The following USP4 variants were observed in gnomAD, a reference collection of about 807,000 sequenced individuals.
USP4 encodes ubiquitin specific peptidase 4, also known as ubiquitin carboxyl-terminal hydrolase 4.
A neutral mutation model predicts 118.2 loss-of-function variants in USP4; 72 were observed. That is an observed-to-expected ratio of 0.61 (90% CI 0.50 to 0.74). USP4 has a LOEUF of 0.74. USP4 is among the 30% of genes least tolerant of loss of function. The pLI is 0.00. For missense variants in USP4, 1,037 were observed against 1,185.7 expected, an observed-to-expected ratio of 0.87 and a Z score of 1.84; for synonymous variants, 415 against 440.4, an observed-to-expected ratio of 0.94 and a Z score of 0.72.
At chr3:49,312,620 C>CA (rs201910634) in intron 6 of USP4, 415 of 344,258 alleles carry the variant, frequency 1.2e-3, no homozygotes, top group Middle Eastern at 2.1e-3. Flanking sequence ...AACTCTGTCT[C>CA]AAAAAAAAAG....
chr3:49,332,279 AAAAC>A (rs577378790), intron 2 of USP4, among the ~76,000 whole-genome samples: 65 of 151,984 alleles, frequency 4.3e-4, no homozygotes, highest in Admixed American at 1.2e-3. Flanking sequence ...TCTGTCTTAC[AAAAC>A]AAACAAACAA....
chr3:49,335,831 C>A (rs1237239274), intron 1 of USP4, among the ~76,000 whole-genome samples: 3 of 152,082 alleles, frequency 2.0e-5, no homozygotes, highest in African/African-American at 7.2e-5. Context: ...AGAAAGAAAA[C>A]AAGTGGTTTC....
In USP4 at chr3:49,298,535, T is replaced by G. The variant is rs1247993183; in HGVS notation, c.1596+17A>C. 3.7e-5 allele frequency: 59 copies of G among 1,613,586 alleles called. No individual in the cohort carries two copies. The highest frequency in any genetic ancestry group is 4.9e-5 in the Non-Finnish European group (58 of 1,179,606). ...GTATCCCAAATAGACCGAGTGCCAC[T>G]GATCACCCCGCCTTACATTTTCTGC... is the stretch of plus-strand genomic sequence containing the variant. On this transcript the variant is annotated intron_variant, in intron 12 of 21. Coordinates refer to ENST00000265560, the MANE Select transcript of USP4 (RefSeq NM_003363.4).
At chr3:49,323,550 A>T (rs993789573) in intron 6 of USP4, among the ~76,000 whole-genome samples, 1 of 152,180 alleles carries the variant, frequency 6.6e-6, no homozygotes, top group Non-Finnish European at 1.5e-5. Flanking sequence ...GAGCACAGCT[A>T]TGCCTACCAC....
At chr3:49,287,393 A>G (rs944072501) in intron 15 of USP4, among the ~76,000 whole-genome samples, 36 of 151,998 alleles carry the variant, frequency 2.4e-4, no homozygotes, top group African/African-American at 8.7e-4. Context: ...TGACCTCGTG[A>G]TCCGCCCGCC....
At position 49,300,700 on chromosome 3, in the gene USP4, A is replaced by C. The variant is rs778013794; in HGVS notation, c.1288-9T>G. The stretch of plus-strand genomic sequence containing the variant: ...GCTTCCTTTGCCACCACCTGCGTCA[A>C]AGGGATAAACAGGACATTCTCAACA... On this transcript the variant is annotated splice_polypyrimidine_tract_variant and intron_variant, in intron 10 of 21. Coordinates refer to ENST00000265560, the MANE Select transcript of USP4 (RefSeq NM_003363.4). 4.3e-6 allele frequency: 7 copies of C among 1,613,534 alleles called. No individual in the cohort carries two copies. In the South Asian group the frequency reaches 7.7e-5, roughly 18 times the overall value.
chr3:49,287,881 C>T lies in USP4; in HGVS notation c.1973-1556G>A, dbSNP rs367983719. On this transcript the variant is annotated intron_variant, in intron 15 of 21. Transcript: ENST00000265560. ...ACTAAAGGTCTCTTAGGTGCAGGTA[C>T]CATGCTAGGTTCCAGGGCTCCATAA... Among the ~76,000 whole-genome samples the T allele has an allele frequency of 1.2e-4, 18 of 152,212 alleles. No individual in the cohort carries two copies. The East Asian group carries it at 2.5e-3, about 21-fold the overall frequency.
intron 6 of USP4, among the ~76,000 whole-genome samples, chr3:49,322,752 T>C (rs1265818085): frequency 1.6e-5 from 2 of 128,198 alleles, no homozygotes; most frequent in African/African-American, 6.0e-5. Context: ...TCCCAGCTGC[T>C]CGGGAGGCTG....
At chr3:49,294,719 A>G (rs2047185399) in intron 13 of USP4, 121 bp from the exon 14 acceptor site, 4 of 949,726 alleles carry the variant, frequency 4.2e-6, no homozygotes, top group Non-Finnish European at 6.2e-6. Context: ...TTTGAGTAGA[A>G]AAGGTGGCTA....
chr3:49,336,617 C>G (rs972944559), intron 1 of USP4, among the ~76,000 whole-genome samples: 1 of 149,016 alleles, frequency 6.7e-6, no homozygotes, highest in Non-Finnish European at 1.5e-5. Context: ...CTCCGCCTCC[C>G]GGGTTCAAGT....
intron 8 of USP4, among the ~76,000 whole-genome samples, chr3:49,310,209 GC>G (rs1033517922): frequency 6.6e-6 from 1 of 152,080 alleles, no homozygotes; most frequent in African/African-American, 2.4e-5. Flanking sequence ...ACAGGCGTGA[GC>G]CACTGCGCCC....
At chr3:49,300,906 T>C (rs946239106) in intron 10 of USP4, among the ~76,000 whole-genome samples, 2 of 152,058 alleles carry the variant, frequency 1.3e-5, no homozygotes, top group Non-Finnish European at 2.9e-5. Flanking sequence ...CACACATATA[T>C]ATATTTCACA....
chr3:49,322,158 C>T (rs2047509579), intron 6 of USP4, among the ~76,000 whole-genome samples: 1 of 152,224 alleles, frequency 6.6e-6, no homozygotes, highest in South Asian at 2.1e-4. Flanking sequence ...CTAACCAGTT[C>T]TGACCATGAA....
rs750982816 is a variant in USP4 at position 49,325,819 on chromosome 3, C to T, written c.387G>A (p.Lys129=). The change falls in exon 4 of 22, where the codon AAG becomes AAA. Residue 129 remains lysine (K), a synonymous_variant. Transcript: ENST00000265560. ...GCAAATACACCTCGACTTTGCAGTG[C>T]TTGACAAACAGGCCATGCTCCACAA... The part of the protein sequence containing the change: ...RKVVEHGLFV[K]HCKVEVYLLE... The T allele has an allele frequency of 1.7e-5, 27 of 1,613,720 alleles. No homozygotes were observed. Among genetic ancestry groups the T allele is most frequent in the African/African-American group, 4.0e-5 (3 of 74,906 alleles).
intron 8 of USP4, among the ~76,000 whole-genome samples, chr3:49,306,970 G>T (rs1466239071): frequency 6.6e-6 from 1 of 151,808 alleles, no homozygotes; most frequent in East Asian, 2.0e-4. Flanking sequence ...TTTTAGTAGA[G>T]ATGGGGTTTC....
At chr3:49,290,496 G>T (rs1236077176) in intron 15 of USP4, among the ~76,000 whole-genome samples, 1 of 152,190 alleles carries the variant, frequency 6.6e-6, no homozygotes, top group African/African-American at 2.4e-5. Context: ...TTTTGCAACT[G>T]ATAATTTTTT....
At position 49,302,536 on chromosome 3, in the gene USP4, C is replaced by T. The variant is rs779069660; in HGVS notation, c.1135G>A (p.Val379Ile). The change falls in exon 10 of 22, where the codon GTA (valine) becomes ATA (isoleucine). Residue 379 changes from valine to isoleucine, a missense_variant. Physicochemically the swap from Val to Ile is conservative, Grantham distance 29. Around this residue, in one of 3 missense-constraint regions of USP4, gnomAD observed 487 missense variants for 534.1 expected, o/e 0.91. Transcript: ENST00000265560. ...HVAPRMFKTQ[V>I]GRFAPQFSGY... ...GAAAATTGAGGAGCAAAACGTCCTACTTGAGTCTACAACAAAAGCAACTGT... is the reference window on the plus strand; with the variant it reads ...GAAAATTGAGGAGCAAAACGTCCTATTTGAGTCTACAACAAAAGCAACTGT... 1.2e-6 allele frequency: 2 copies of T among 1,613,346 alleles called. No individual in the cohort carries two copies. Among genetic ancestry groups the T allele is most frequent in the South Asian group, 1.1e-5 (1 of 90,934 alleles).
chr3:49,294,430 G>A lies in USP4; in HGVS notation c.1860C>T (p.Tyr620=). Residue 620 remains tyrosine, a synonymous_variant, in exon 14 of 22, where the codon TAC becomes TAT. Transcript: ENST00000265560. ...PKHKLTLESL[Y]QAVCDRISRY... ...ACCTGATACGATCACAAACAGCCTG[G>A]TACAAAGACTCAAGGGTTAACTTGT... The A allele has an allele frequency of 6.2e-7, 1 of 1,613,906 alleles. No individual in the cohort carries two copies. The highest frequency in any genetic ancestry group is 1.1e-5 in the South Asian group (1 of 91,054).
chr3:49,323,298 A>G (rs1185055209), intron 6 of USP4, among the ~76,000 whole-genome samples: 1 of 143,716 alleles, frequency 7.0e-6, no homozygotes, highest in South Asian at 2.2e-4. Context: ...AAAAAAAAAA[A>G]GAGATGGGGT....
Sources: gnomAD v4.1 joint callset for allele counts (sites outside exome capture counted in the v4.1 genomes callset) on GRCh38, gnomAD v4.1.1 for gene constraint, gnomAD v4.1.1 regional missense constraint, MANE v1.5 for transcripts, NCBI Gene and HGNC (gene_info 2026-07-23, HGNC 2026-07-21) for gene names.